The following FAM20C variants were observed in gnomAD, a reference collection of about 807,000 sequenced individuals.
FAM20C encodes the protein FAM20C golgi associated secretory pathway kinase.
In FAM20C, 40 loss-of-function variants were observed where a neutral mutation model predicts 51.5. That is an observed-to-expected ratio of 0.78 (90% CI 0.60 to 1.01). The LOEUF (loss-of-function observed/expected upper bound fraction) is 1.01. Among genes scored for constraint, FAM20C ranks in the 50% least tolerant of loss-of-function variants. The pLI, the probability that FAM20C is intolerant of heterozygous loss-of-function variation, is 0.00. For missense variants in FAM20C, 861 were observed against 844.7 expected (o/e 1.02, Z -0.24); for synonymous variants, 406 against 380.6 (o/e 1.07, Z -0.78).
At chr7:247,268 C>T (rs1237194606) in intron 4 of FAM20C, among the ~76,000 whole-genome samples, 1 of 152,194 alleles carries the variant, frequency 6.6e-6, no homozygotes, top group Non-Finnish European at 1.5e-5. Flanking sequence ...GGTCCGTGTT[C>T]AGTGCCCTCC....
intron 4 of FAM20C, 41 bp downstream of exon 4, chr7:246,548 C>T: frequency 1.4e-6 from 2 of 1,415,948 alleles, no homozygotes; most frequent in Non-Finnish European, 1.9e-6. Context: ...CTCCCGTGCG[C>T]TCAGACCCAC....
Position 208,416 on chromosome 7 carries a change from G to A in FAM20C, c.785-482G>A, listed in dbSNP as rs1285551394. 4.7e-5 allele frequency among the ~76,000 whole-genome samples: 7 copies of A among 150,426 alleles called. No homozygotes were observed. In the Admixed American group the frequency reaches 4.7e-4, roughly 10 times the overall value. The stretch of plus-strand genomic sequence containing the variant: ...ATGACTGTGGGGTGTGTGCTGATGT[G>A]TGTGGGTGTATACGTGTGTGTCCAG... On this transcript the variant is annotated intron_variant, in intron 2 of 9. Coordinates refer to ENST00000313766, the MANE Select transcript of FAM20C (RefSeq NM_020223.4).
chr7:222,179 A>G (rs1001395212), intron 3 of FAM20C, among the ~76,000 whole-genome samples: 3 of 152,128 alleles, frequency 2.0e-5, no homozygotes, highest in African/African-American at 7.2e-5. Flanking sequence ...CCACGCAGGG[A>G]TGTCTGGAGG....
chr7:256,508 A>C, intron 6 of FAM20C, 146 bp from the exon 7 acceptor site: 1 of 672,998 alleles, frequency 1.5e-6, no homozygotes, highest in Non-Finnish European at 2.6e-6. Flanking sequence ...TGCTCCCGCT[A>C]ATGCAGCCTC....
rs1785612268 is a variant in FAM20C, at chr7:192,667, G to GCCCCCCCCTTCC, written c.-528_-517dup. 7.0e-6 allele frequency among the ~76,000 whole-genome samples: 1 copy of GCCCCCCCCTTCC among 142,796 alleles called. No homozygotes were observed. Among genetic ancestry groups the GCCCCCCCCTTCC allele is most frequent in the African/African-American group, 2.6e-5 (1 of 39,086 alleles). 93.7% of individuals were successfully genotyped at this position (142,796 alleles called of 152,430 possible). ...CCCGCGCCCACCCCTTCCGCCCTTCGCCCCCCCCTTCCCCCCAGCCCCGGT... is the reference window on the plus strand; with the variant it reads ...CCCGCGCCCACCCCTTCCGCCCTTCGCCCCCCCCTTCCCCCCCCCCTTCCCCCCAGCCCCGGT... On this transcript the variant is annotated 5_prime_UTR_variant, in exon 1 of 10. Coordinates refer to ENST00000313766, the MANE Select transcript of FAM20C (RefSeq NM_020223.4).
In FAM20C at chr7:215,314, CTGGGTGGGGGGGGCAGGGCCCG is replaced by C. The variant is rs1562375490; in HGVS notation, c.863+6342_863+6363del. 1.4e-3 allele frequency among the ~76,000 whole-genome samples: 6 copies of C among 4,410 alleles called. 1 individual carries two copies. The highest frequency in any genetic ancestry group is 4.1e-4 in the Non-Finnish European group (1 of 2,432). 2.9% of individuals were successfully genotyped at this position (4,410 alleles called of 152,430 possible). ...CCCGTGGTGTATGGAGAGGATGGGGCTGGGTGGGGGGGGCAGGGCCCGTGGTGTATGGAGAGGATGGGGCTGG... is the reference window on the plus strand; with the variant it reads ...CCCGTGGTGTATGGAGAGGATGGGGCTGGTGTATGGAGAGGATGGGGCTGG... On this transcript the variant is annotated intron_variant, in intron 3 of 9. Transcript: ENST00000313766.
At chr7:216,658 TGTGTGA>T (rs1786986838) in intron 3 of FAM20C, among the ~76,000 whole-genome samples, 10 of 136,910 alleles carry the variant, frequency 7.3e-5, no homozygotes, top group Admixed American at 3.0e-4. Flanking sequence ...TGTGAGTGTG[TGTGTGA>T]GAGACAGAGT....
chr7:237,016 C>T lies in FAM20C; in HGVS notation c.864-9399C>T, dbSNP rs1015316664. On this transcript the variant is annotated intron_variant, in intron 3 of 9. Transcript: ENST00000313766. ...TCCTGGACTGTTCTAGGAAAAGGGG[C>T]ATCCAGAAGCCAGGGACAGCCCGCA... Among the ~76,000 whole-genome samples, 87 of 152,162 alleles carry T rather than the reference C, an allele frequency of 5.7e-4. 4 individuals are homozygous for T. Among genetic ancestry groups the T allele is most frequent in the Non-Finnish European group, 1.0e-4 (7 of 68,032 alleles).
chr7:254,982 C>G (rs375964211), intron 5 of FAM20C, among the ~76,000 whole-genome samples: 2 of 152,236 alleles, frequency 1.3e-5, no homozygotes, highest in Non-Finnish European at 2.9e-5. Context: ...CCTGGCGTGT[C>G]CACTCCTCTC....
intron 5 of FAM20C, among the ~76,000 whole-genome samples, chr7:250,738 C>T (rs1004415660): frequency 6.6e-5 from 10 of 152,258 alleles, no homozygotes; most frequent in Non-Finnish European, 1.5e-4. Context: ...GCCCGCCATG[C>T]ACACCCTGGT....
intron 3 of FAM20C, among the ~76,000 whole-genome samples, chr7:230,127 A>G (rs1243445571): frequency 6.6e-6 from 1 of 152,100 alleles, no homozygotes; most frequent in Non-Finnish European, 1.5e-5. Context: ...TAAATTAAAG[A>G]CTTCGAGATG....
intron 2 of FAM20C, among the ~76,000 whole-genome samples, chr7:204,289 G>C (rs900888114): frequency 2.0e-5 from 3 of 152,236 alleles, no homozygotes; most frequent in Non-Finnish European, 4.4e-5. Context: ...TGGCCCGCCT[G>C]AGGCTGGCGT....
chr7:258,649 T>C lies in FAM20C; in HGVS notation c.1449T>C (p.Phe483=). ...AATTCTGCTTTTCTTCTGGAAGGTT[T>C]GGGAAGTATTCGCACGACGAGCTCT... ...FIIHLDNGRG[F]GKYSHDELSI... is the part of the protein sequence containing the mutation. Residue 483 remains phenylalanine, a synonymous_variant, in exon 9 of 10, where the codon TTT becomes TTC. Coordinates refer to ENST00000313766, the MANE Select transcript of FAM20C (RefSeq NM_020223.4). 2 of 1,536,786 alleles carry C rather than the reference T, an allele frequency of 1.3e-6. No homozygotes were observed. The highest frequency in any genetic ancestry group is 1.7e-6 in the Non-Finnish European group (2 of 1,146,572).
rs113152997 is a variant in FAM20C, at chr7:208,845, A to G, written c.785-53A>G. On this transcript the variant is annotated intron_variant, in intron 2 of 9. Transcript: ENST00000313766. Reference sequence around the variant, plus strand: ...CAAGAGCCCTCGTCCGCACAGGAGAAGAAGGGGCGTGAGGCCAGAGAGTGA... The same window carrying G: ...CAAGAGCCCTCGTCCGCACAGGAGAGGAAGGGGCGTGAGGCCAGAGAGTGA... 2.2e-5 allele frequency: 33 copies of G among 1,533,128 alleles called. 2 individuals carry two copies. In the African/African-American group the frequency reaches 2.6e-4, roughly 12 times the overall value. 95.0% of individuals were successfully genotyped at this position (1,533,128 alleles called of 1,614,324 possible). A position where few individuals can be genotyped will look rare whatever the true frequency, so the allele number is the denominator to read the frequency against.
chr7:237,845 T>TGATGGTGATG (rs1583323562), intron 3 of FAM20C, among the ~76,000 whole-genome samples: 3 of 764 alleles, frequency 3.9e-3, no homozygotes, highest in Non-Finnish European at 0.014. Context: ...ATAGTGATGA[T>TGATGGTGATG]GNNNNNNNNN....
chr7:193,366 C>T lies in FAM20C; in HGVS notation c.167C>T (p.Ala56Val). Residue 56 changes from alanine to valine, a missense_variant, in exon 1 of 10, where the codon GCC (alanine) becomes GTC (valine). By Grantham distance (64) the Ala-to-Val change is moderately conservative. Transcript: ENST00000313766. The stretch of plus-strand genomic sequence containing the variant: ...TGCGCGCAGCCCGCCGCCGAGGTGG[C>T]CGCGCCCGGCTGGGCCCAGGTTCGG... The part of the protein sequence containing the change: ...CSCAQPAAEV[A>V]APGWAQVRGR... The T allele has an allele frequency of 2.4e-6, 3 of 1,265,368 alleles. No individual in the cohort carries two copies. The highest frequency in any genetic ancestry group is 2.7e-5 in the South Asian group (1 of 37,292). 78.4% of individuals were successfully genotyped at this position (1,265,368 alleles called of 1,614,324 possible).
At position 195,729 on chromosome 7, in the gene FAM20C, G is replaced by T; in HGVS notation, c.781G>T (p.Val261Leu). Residue 261 changes from valine to leucine, a missense_variant, in exon 2 of 10, where the codon GTG becomes TTG. Transcript: ENST00000313766. ...CCTCAGCTCCCAGAGGATCACCAGCGTGGGTAGGTGTCCTTGGGTGCACTC... is the reference window on the plus strand; with the variant it reads ...CCTCAGCTCCCAGAGGATCACCAGCTTGGGTAGGTGTCCTTGGGTGCACTC... Reference protein sequence around the residue: ...HDLSSQRITSVAMKSGGTQLK... With the variant: ...HDLSSQRITSLAMKSGGTQLK... The T allele has an allele frequency of 6.2e-7, 1 of 1,602,334 alleles. No homozygotes were observed. Among genetic ancestry groups the T allele is most frequent in the Non-Finnish European group, 8.5e-7 (1 of 1,173,848 alleles).
At chr7:212,301 A>G (rs1786760529) in intron 3 of FAM20C, among the ~76,000 whole-genome samples, 1 of 152,164 alleles carries the variant, frequency 6.6e-6, no homozygotes, top group African/African-American at 2.4e-5. Context: ...CATCTCTACT[A>G]AAAATATAAA....
At chr7:205,536 G>A (rs954083248) in intron 2 of FAM20C, among the ~76,000 whole-genome samples, 2 of 152,152 alleles carry the variant, frequency 1.3e-5, no homozygotes, top group Non-Finnish European at 2.9e-5. Context: ...CGCCGCACTC[G>A]GGCACTGGGC....
Sources: gnomAD v4.1 joint callset for allele counts (sites outside exome capture counted in the v4.1 genomes callset) on GRCh38, gnomAD v4.1.1 for gene constraint, MANE v1.5 for transcripts, NCBI Gene and HGNC (gene_info 2026-07-23, HGNC 2026-07-21) for gene names.